RBFOX1: variants seen among roughly 807,000 people sequenced by gnomAD.
RBFOX1 encodes RNA binding fox-1 homolog 1.
In RBFOX1, 8 loss-of-function variants were observed where a neutral mutation model predicts 57.7. The observed-to-expected ratio is 0.14, with a 90% confidence interval of 0.08 to 0.25. RBFOX1 has a LOEUF of 0.25. Among genes scored for constraint, RBFOX1 ranks in the 10% least tolerant of loss-of-function variants. The pLI, the probability that RBFOX1 is intolerant of heterozygous loss-of-function variation, is 1.00. For missense variants in RBFOX1, 611 were observed against 548.5 expected, an observed-to-expected ratio of 1.11 and a Z score of -1.14; for synonymous variants, 326 against 222.4, an observed-to-expected ratio of 1.47 and a Z score of -4.15.
At chr16:6,746,650 C>T (rs1212208535) in intron 3 of RBFOX1, among the ~76,000 whole-genome samples, 1 of 151,660 alleles carries the variant, frequency 6.6e-6, no homozygotes, top group African/African-American at 2.4e-5. Context: ...TGCACTTCAG[C>T]CTGAGTGACG....
At chr16:6,151,309 G>C (rs146092234) in intron 1 of RBFOX1, among the ~76,000 whole-genome samples, 1 of 151,760 alleles carries the variant, frequency 6.6e-6, no homozygotes, top group South Asian at 2.1e-4. Context: ...TTTTTGAGAC[G>C]GAGTCTCACT....
At chr16:6,080,328 T>C (rs766712529) in intron 1 of RBFOX1, among the ~76,000 whole-genome samples, 13 of 152,178 alleles carry the variant, frequency 8.5e-5, no homozygotes, top group Non-Finnish European at 1.8e-4. Context: ...AGAACCTGGG[T>C]ATCTCTGACC....
At chr16:6,456,742 G>A (rs879557659) in intron 2 of RBFOX1, among the ~76,000 whole-genome samples, 7 of 152,154 alleles carry the variant, frequency 4.6e-5, no homozygotes, top group South Asian at 2.1e-4. Context: ...GAATGGATCC[G>A]TGAGACACAG....
intron 2 of RBFOX1, among the ~76,000 whole-genome samples, chr16:6,488,892 A>G (rs2095564637): frequency 6.6e-6 from 1 of 152,226 alleles, no homozygotes; most frequent in African/African-American, 2.4e-5. Context: ...ATAGTCTAAT[A>G]TAAACATGGT....
intron 2 of RBFOX1, among the ~76,000 whole-genome samples, chr16:6,512,409 G>C (rs898247168): frequency 6.6e-6 from 1 of 151,916 alleles, no homozygotes; most frequent in Non-Finnish European, 1.5e-5. Flanking sequence ...GGGTAGGATA[G>C]GGAATGCGTT....
intron 3 of RBFOX1, among the ~76,000 whole-genome samples, chr16:6,765,809 A>G (rs911220488): frequency 1.3e-5 from 2 of 152,246 alleles, no homozygotes; most frequent in Non-Finnish European, 2.9e-5. Context: ...GCCATAAAAA[A>G]GAATGAAATA....
At chr16:5,938,378 A>C (rs1234836939) in intron 4 of RBFOX1, among the ~76,000 whole-genome samples, 1 of 152,146 alleles carries the variant, frequency 6.6e-6, no homozygotes, top group African/African-American at 2.4e-5. Flanking sequence ...TTCAGTGCAC[A>C]TTCTCAAGCT....
intron 4 of RBFOX1, among the ~76,000 whole-genome samples, chr16:7,406,544 T>C (rs1306300135): frequency 6.6e-6 from 1 of 152,200 alleles, no homozygotes; most frequent in Non-Finnish European, 1.5e-5. Context: ...TAGAGAGTGA[T>C]GCAAAAACAT....
chr16:7,143,702 C>G (rs1037526689), intron 4 of RBFOX1, among the ~76,000 whole-genome samples: 1 of 152,046 alleles, frequency 6.6e-6, no homozygotes, highest in African/African-American at 2.4e-5. Context: ...AAAACTTCTC[C>G]AAAGTCCTTC....
intron 3 of RBFOX1, chr16:6,748,925 C>T (rs2074348901): frequency 6.6e-6 from 1 of 152,128 alleles, no homozygotes; most frequent in Non-Finnish European, 1.5e-5. Flanking sequence ...ACAGTTCTTT[C>T]AGAATTTGTC....
chr16:5,717,255 CGTT>C (rs760787897), intron 3 of RBFOX1, among the ~76,000 whole-genome samples: 3 of 152,006 alleles, frequency 2.0e-5, no homozygotes, highest in Admixed American at 6.6e-5. Context: ...GATACAGCCT[CGTT>C]GTTTCCTGTG....
At chr16:6,126,704 T>G (rs914781523) in intron 1 of RBFOX1, among the ~76,000 whole-genome samples, 1 of 152,104 alleles carries the variant, frequency 6.6e-6, no homozygotes, top group African/African-American at 2.4e-5. Context: ...GTTTTGTTCT[T>G]TTTTTACACC....
chr16:6,484,328 G>T (rs1335550844), intron 2 of RBFOX1, among the ~76,000 whole-genome samples: 1 of 152,148 alleles, frequency 6.6e-6, no homozygotes, highest in Middle Eastern at 3.2e-3. Flanking sequence ...CTGCATATCT[G>T]TGTAAACATG....
At chr16:7,636,179 A>G (rs2061725044) in intron 11 of RBFOX1, among the ~76,000 whole-genome samples, 2 of 152,210 alleles carry the variant, frequency 1.3e-5, no homozygotes, top group Non-Finnish European at 2.9e-5. Context: ...CTTACGTGCA[A>G]CTACATCCAT....
chr16:7,675,399 T>C (rs1321057007), intron 13 of RBFOX1, among the ~76,000 whole-genome samples: 1 of 146,222 alleles, frequency 6.8e-6, no homozygotes, highest in African/African-American at 2.7e-5. Flanking sequence ...ATTACCTCTT[T>C]AAGGGAAACA....
At chr16:6,984,489 T>C (rs181225345) in intron 3 of RBFOX1, among the ~76,000 whole-genome samples, 25 of 152,224 alleles carry the variant, frequency 1.6e-4, no homozygotes, top group African/African-American at 6.0e-4. Flanking sequence ...GCAGGTTTTG[T>C]TACTTGCAGC....
At chr16:5,693,002 A>G (rs1279897759) in intron 3 of RBFOX1, among the ~76,000 whole-genome samples, 3 of 152,178 alleles carry the variant, frequency 2.0e-5, no homozygotes, top group East Asian at 3.9e-4. Flanking sequence ...CTATTTTTCC[A>G]GCTTCCCCCC....
chr16:5,938,723 G>C (rs2059219987), intron 4 of RBFOX1, among the ~76,000 whole-genome samples: 1 of 152,044 alleles, frequency 6.6e-6, no homozygotes, highest in East Asian at 1.9e-4. Flanking sequence ...CATTGCTCCA[G>C]GTGACACCAT....
At chr16:7,342,429 C>G (rs2096916231) in intron 4 of RBFOX1, among the ~76,000 whole-genome samples, 1 of 152,206 alleles carries the variant, frequency 6.6e-6, no homozygotes, top group South Asian at 2.1e-4. Context: ...GGGATGGTCA[C>G]ATCGACTGCA....
Sources: gnomAD v4.1 joint callset for allele counts (sites outside exome capture counted in the v4.1 genomes callset) on GRCh38, gnomAD v4.1.1 for gene constraint, MANE v1.5 for transcripts, NCBI Gene and HGNC (gene_info 2026-07-23, HGNC 2026-07-21) for gene names.